NCAM2: variants seen among roughly 807,000 people sequenced by gnomAD.
The protein encoded by NCAM2 is N-CAM-2.
NCAM2 carries 30 observed loss-of-function variants against 98.1 expected under a neutral mutation model. The ratio of observed to expected loss-of-function variants is 0.31; its 90% CI spans 0.23 to 0.41. NCAM2 has a LOEUF of 0.41. Among genes scored for constraint, NCAM2 ranks in the 10% least tolerant of loss-of-function variants. The pLI, the probability that NCAM2 is intolerant of heterozygous loss-of-function variation, is 1.00. For synonymous variants in NCAM2, 368 were observed against 342.4 expected, an observed-to-expected ratio of 1.07 and a Z score of -0.83; for missense variants, 867 against 1,005.8, an observed-to-expected ratio of 0.86 and a Z score of 1.87.
intron 1 of NCAM2, among the ~76,000 whole-genome samples, chr21:21,271,574 T>C (rs1487517378): frequency 1.3e-5 from 2 of 152,206 alleles, no homozygotes; most frequent in African/African-American, 4.8e-5. Flanking sequence ...GTGTGTTATA[T>C]GCTCTAAGAA....
At position 21,335,702 on chromosome 21, in the gene NCAM2, C is replaced by T. The variant is rs761829852; in HGVS notation, c.898+37C>T. 25 of 1,450,574 alleles carry T rather than the reference C, an allele frequency of 1.7e-5. No homozygotes were observed. The South Asian group carries it at 3.7e-4, about 21-fold the overall frequency. 89.9% of individuals were successfully genotyped at this position (1,450,574 alleles called of 1,614,324 possible). On this transcript the variant is annotated intron_variant, in intron 7 of 17. Coordinates refer to ENST00000400546, the MANE Select transcript of NCAM2 (RefSeq NM_004540.5). Reference sequence around the variant, plus strand: ...AGCATAGTGGCTAAAACTGTTATGTCTATTGGAAGATCAGAGTGAAATTCT... The same window carrying T: ...AGCATAGTGGCTAAAACTGTTATGTTTATTGGAAGATCAGAGTGAAATTCT...
At chr21:21,448,976 A>G (rs561870289) in intron 12 of NCAM2, among the ~76,000 whole-genome samples, 4 of 152,224 alleles carry the variant, frequency 2.6e-5, no homozygotes, top group African/African-American at 7.2e-5. Context: ...TAATGATTTT[A>G]AACCATGTAG....
At chr21:21,505,779 T>G (rs531740923) in intron 15 of NCAM2, among the ~76,000 whole-genome samples, 1 of 152,156 alleles carries the variant, frequency 6.6e-6, no homozygotes, top group African/African-American at 2.4e-5. Context: ...TTAAAATAAT[T>G]ATAAGCAGTA....
At chr21:21,266,961 G>A (rs551319435) in intron 1 of NCAM2, among the ~76,000 whole-genome samples, 26 of 152,192 alleles carry the variant, frequency 1.7e-4, no homozygotes, top group African/African-American at 6.3e-4. Flanking sequence ...TTGTGTCATA[G>A]GAGTTCATTG....
chr21:21,530,641 T>C (rs556511871), intron 16 of NCAM2, among the ~76,000 whole-genome samples: 5 of 151,866 alleles, frequency 3.3e-5, no homozygotes, highest in Non-Finnish European at 5.9e-5. Context: ...GAAATGCAGC[T>C]GCAATAATGT....
intron 1 of NCAM2, among the ~76,000 whole-genome samples, chr21:21,031,809 T>C (rs539838984): frequency 3.1e-4 from 47 of 151,266 alleles, no homozygotes; most frequent in African/African-American, 1.1e-3. Flanking sequence ...CACACTCTTA[T>C]ACACACACAC....
chr21:21,367,716 C>T (rs1027527825), intron 8 of NCAM2, among the ~76,000 whole-genome samples: 4 of 151,898 alleles, frequency 2.6e-5, no homozygotes, highest in Non-Finnish European at 4.4e-5. Context: ...CAAATATTCA[C>T]TCATTTAATC....
At chr21:21,211,755 C>T (rs2069667893) in intron 1 of NCAM2, among the ~76,000 whole-genome samples, 1 of 152,148 alleles carries the variant, frequency 6.6e-6, no homozygotes, top group South Asian at 2.1e-4. Flanking sequence ...TTATTTCTCT[C>T]ATGGAATATT....
chr21:21,173,607 G>T (rs1363458198), intron 1 of NCAM2, among the ~76,000 whole-genome samples: 1 of 152,168 alleles, frequency 6.6e-6, no homozygotes, highest in Non-Finnish European at 1.5e-5. Context: ...GGTAAGGCAA[G>T]AACTTATCTC....
intron 9 of NCAM2, among the ~76,000 whole-genome samples, chr21:21,375,773 A>C (rs1473254000): frequency 6.6e-6 from 1 of 151,556 alleles, no homozygotes; most frequent in Non-Finnish European, 1.5e-5. Flanking sequence ...GCATGCCAAG[A>C]TATGATTTAT....
chr21:21,273,049 G>A lies in NCAM2; in HGVS notation c.56-7529G>A, dbSNP rs1049181076. On this transcript the variant is annotated intron_variant, in intron 1 of 17. Transcript: ENST00000400546. ...TATAGAAAAGGGAATAAAGGGATAA[G>A]GAGATGGTGGGCATATAGAAGCTGA... is the stretch of plus-strand genomic sequence containing the variant. 5.3e-5 allele frequency among the ~76,000 whole-genome samples: 8 copies of A among 151,032 alleles called. No individual in the cohort carries two copies. The South Asian group carries it at 1.3e-3, about 24-fold the overall frequency.
At chr21:21,266,252 T>G (rs960872060) in intron 1 of NCAM2, among the ~76,000 whole-genome samples, 1 of 152,138 alleles carries the variant, frequency 6.6e-6, no homozygotes, top group African/African-American at 2.4e-5. Flanking sequence ...CATACTGTTT[T>G]TTTACTCATT....
intron 1 of NCAM2, among the ~76,000 whole-genome samples, chr21:21,086,024 G>A (rs1269376018): frequency 6.6e-6 from 1 of 152,140 alleles, no homozygotes; most frequent in Non-Finnish European, 1.5e-5. Context: ...AAAGTATTAA[G>A]GGATTCTAAT....
At chr21:21,028,425 C>T (rs183720436) in intron 1 of NCAM2, among the ~76,000 whole-genome samples, 250 of 152,276 alleles carry the variant, frequency 1.6e-3, no homozygotes, top group African/African-American at 5.8e-3. Flanking sequence ...CCAGCTCTTT[C>T]GAGAGAAAAC....
intron 8 of NCAM2, among the ~76,000 whole-genome samples, chr21:21,348,195 G>A (rs12627549): frequency 0.068 from 10,315 of 152,008 alleles, 663 homozygotes; most frequent in East Asian, 0.33. Context: ...AGATGACATG[G>A]TCATATATTT....
chr21:21,289,871 A>G (rs1220864950), intron 4 of NCAM2, among the ~76,000 whole-genome samples: 1 of 151,966 alleles, frequency 6.6e-6, no homozygotes, highest in Non-Finnish European at 1.5e-5. Context: ...AACAAATTAG[A>G]TGGGAGTCAA....
intron 1 of NCAM2, among the ~76,000 whole-genome samples, chr21:21,219,729 A>G (rs1476409475): frequency 6.6e-6 from 1 of 152,216 alleles, no homozygotes; most frequent in Non-Finnish European, 1.5e-5. Flanking sequence ...TAACTGTAAA[A>G]CAGCCTCATG....
intron 1 of NCAM2, among the ~76,000 whole-genome samples, chr21:21,171,751 A>G (rs2068131629): frequency 6.6e-6 from 1 of 152,200 alleles, no homozygotes; most frequent in Non-Finnish European, 1.5e-5. Flanking sequence ...AAAAGGTAGT[A>G]GAGTACAGTT....
rs544581507 is a variant in NCAM2, at chr21:21,079,424, T to C, written c.55+80806T>C. ...ACACATTTCTGACCTCAGGAATTTA[T>C]ATCTAGGGGGAAAATAAGACTTCAT... On this transcript the variant is annotated intron_variant, in intron 1 of 17. Coordinates refer to ENST00000400546, the MANE Select transcript of NCAM2 (RefSeq NM_004540.5). Among the ~76,000 whole-genome samples, 270 of 152,306 alleles carry C rather than the reference T, an allele frequency of 1.8e-3. 1 individual carries two copies. Among genetic ancestry groups the C allele is most frequent in the Non-Finnish European group, 3.3e-3 (227 of 68,032 alleles).
Sources: allele counts gnomAD v4.1 joint callset (sites outside exome capture counted in the v4.1 genomes callset), GRCh38; gene constraint gnomAD v4.1.1; transcripts MANE v1.5; gene names NCBI Gene and HGNC (gene_info 2026-07-23, HGNC 2026-07-21).